The following PPM1G variants were observed in gnomAD, a reference collection of about 807,000 sequenced individuals.
PPM1G encodes protein phosphatase 1G.
PPM1G carries 12 observed loss-of-function variants against 59.4 expected under a neutral mutation model. The observed-to-expected ratio is 0.20, with a 90% confidence interval of 0.13 to 0.33. The LOEUF is 0.33. Among genes scored for constraint, PPM1G ranks in the 10% least tolerant of loss-of-function variants. PPM1G has a pLI of 1.00. For missense variants in PPM1G, 392 were observed against 681.3 expected, an observed-to-expected ratio of 0.58 and a Z score of 4.73; for synonymous variants, 245 against 251.9, an observed-to-expected ratio of 0.97 and a Z score of 0.26.
intron 1 of PPM1G, among the ~76,000 whole-genome samples, chr2:27,401,446 A>T (rs1199266727): frequency 6.6e-6 from 1 of 152,218 alleles, no homozygotes; most frequent in Admixed American, 6.5e-5. Context: ...TGGACGGAAG[A>T]TAGGGAGTGA....
chr2:27,383,409 C>T lies in PPM1G; in HGVS notation c.1158G>A (p.Met386Ile). 6.2e-7 allele frequency: 1 copy of T among 1,614,190 alleles called. No individual in the cohort carries two copies. Among genetic ancestry groups the T allele is most frequent in the Middle Eastern group, 1.6e-4 (1 of 6,062 alleles). The change falls in exon 7 of 10, where the codon ATG becomes ATA. Residue 386 changes from methionine to isoleucine, a missense_variant. Met to Ile is a conservative substitution (Grantham distance 10). Transcript: ENST00000344034. The surrounding 1 kb of genome is among the most constrained non-coding windows in gnomAD (Gnocchi z 5.0). ...RIKNAGGKVT[M>I]DGRVNGGLNL... ...TGAGGCCCCCGTTGACTCGCCCATC[C>T]ATGGTGACCTTGCCACCAGCATTCT...
In PPM1G at chr2:27,393,207, T is replaced by C. The variant is rs1409881218; in HGVS notation, c.121-6049A>G. The C allele has an allele frequency of 9.7e-6, 15 of 1,544,656 alleles. No individual in the cohort carries two copies. In the South Asian group the frequency reaches 1.0e-4, roughly 10 times the overall value. ...CTCATGAGATTGGTGAAGAAAGTAT[T>C]TGGCAAAGTTCTTCAAAGCCACATC... On this transcript the variant is annotated intron_variant, in intron 1 of 9. Coordinates refer to ENST00000344034, the MANE Select transcript of PPM1G (RefSeq NM_177983.3).
intron 1 of PPM1G, among the ~76,000 whole-genome samples, chr2:27,404,803 G>A (rs557738929): frequency 6.6e-6 from 1 of 151,720 alleles, no homozygotes; most frequent in Non-Finnish European, 1.5e-5. Context: ...AATTAGCCGG[G>A]CATGGTGGCA....
At chr2:27,404,029 C>T (rs1265286970) in intron 1 of PPM1G, among the ~76,000 whole-genome samples, 1 of 152,096 alleles carries the variant, frequency 6.6e-6, no homozygotes, top group African/African-American at 2.4e-5. Flanking sequence ...CCATAGCATA[C>T]TTGTGATATT....
intron 1 of PPM1G, among the ~76,000 whole-genome samples, chr2:27,392,286 GT>G (rs70953857): frequency 0.014 from 979 of 70,414 alleles, 4 homozygotes; most frequent in East Asian, 0.02. Flanking sequence ...GGTTTGTTTT[GT>G]TTTTTTTTTT....
At position 27,381,689 on chromosome 2, in the gene PPM1G, A is replaced by T. The variant is rs766752573; in HGVS notation, c.1551T>A (p.Ser517Arg). Reference sequence around the variant, plus strand: ...GCACCTCCTCTAGTTTTCGCTTGCCACTCTCTGGCTGGAGCTCTGCTGTGT... The same window carrying T: ...GCACCTCCTCTAGTTTTCGCTTGCCTCTCTCTGGCTGGAGCTCTGCTGTGT... The part of the protein sequence containing the change: ...PRNTAELQPE[S>R]GKRKLEEVLS... Residue 517 changes from serine to arginine, a missense_variant, in exon 10 of 10, where the codon AGT (serine) becomes AGA (arginine). Physicochemically the swap from Ser to Arg is moderately radical, Grantham distance 110. Transcript: ENST00000344034. The T allele has an allele frequency of 1.2e-6, 2 of 1,613,608 alleles. No individual in the cohort carries two copies. The highest frequency in any genetic ancestry group is 1.1e-5 in the South Asian group (1 of 91,044).
Position 27,382,547 on chromosome 2 carries a change from G to A in PPM1G, c.1260C>T (p.Ala420=). 1 of 1,614,148 alleles carries A rather than the reference G, an allele frequency of 6.2e-7. No individual in the cohort carries two copies. The highest frequency in any genetic ancestry group is 1.1e-5 in the South Asian group (1 of 91,080). Residue 420 remains alanine (A), a synonymous_variant, in exon 8 of 10, where the codon GCC becomes GCT. Transcript: ENST00000344034. The surrounding 1 kb of genome is among the most constrained non-coding windows in gnomAD (Gnocchi z 4.2). ...NLPPEEQMIS[A]LPDIKVLTLT... ...GAGTCAGCACCTTGATGTCAGGAAG[G>A]GCTGAAATCATCTGTTCCTCAGGTG...
chr2:27,392,293 T>G (rs1427007903), intron 1 of PPM1G, among the ~76,000 whole-genome samples: 9 of 92,730 alleles, frequency 9.7e-5, no homozygotes, highest in African/African-American at 1.8e-4. Context: ...TTTGTTTTTT[T>G]TTTTTTTTTT....
In PPM1G at chr2:27,383,984, TCTC is replaced by T; in HGVS notation, c.931_933del (p.Glu311del). 2 of 1,559,126 alleles carry T rather than the reference TCTC, an allele frequency of 1.3e-6. No homozygotes were observed. Among genetic ancestry groups the T allele is most frequent in the South Asian group, 1.2e-5 (1 of 84,862 alleles). ...TTGCCTTCCATCCCTGGCACCATCA[TCTC>T]TTCTTCTTCTTCTTCATCGTCCTCT... is the stretch of plus-strand genomic sequence containing the variant. On this transcript the variant is annotated inframe_deletion, in exon 6 of 10. Transcript: ENST00000344034. The surrounding 1 kb of genome is among the most constrained non-coding windows in gnomAD (Gnocchi z 5.0).
chr2:27,404,321 G>A (rs148593383), intron 1 of PPM1G, among the ~76,000 whole-genome samples: 2 of 151,938 alleles, frequency 1.3e-5, no homozygotes, highest in Non-Finnish European at 2.9e-5. Context: ...GCCGAGGCAG[G>A]TGGATCACAA....
In PPM1G at chr2:27,403,323, GT is replaced by G. The variant is rs1231546300; in HGVS notation, c.120+5979del. Among the ~76,000 whole-genome samples the G allele has an allele frequency of 3.9e-5, 6 of 152,046 alleles. No homozygotes were observed. In the East Asian group the frequency reaches 1.2e-3, roughly 30 times the overall value. ...TAGCTGGGCATGGTGGCGAGTGCCT[GT>G]AATCCCAGCTACTTGGGAGGCTGGG... On this transcript the variant is annotated intron_variant, in intron 1 of 9. Coordinates refer to ENST00000344034, the MANE Select transcript of PPM1G (RefSeq NM_177983.3).
At position 27,409,459 on chromosome 2, in the gene PPM1G, C is replaced by T. The variant is rs952746005; in HGVS notation, c.-37G>A. The T allele has an allele frequency of 1.4e-6, 2 of 1,470,490 alleles. No individual in the cohort carries two copies. The highest frequency in any genetic ancestry group is 5.9e-5 in the East Asian group (2 of 33,792). The allele number at this position is 1,470,490 out of a possible 1,614,324, so 91.1% of individuals were successfully genotyped here. A position where few individuals can be genotyped will look rare whatever the true frequency, so the allele number is the denominator to read the frequency against. On this transcript the variant is annotated 5_prime_UTR_variant, in exon 1 of 10. Transcript: ENST00000344034. ...GCCGGCGGCCTCAGGTGCAGGAAAG[C>T]TGGGCGCGACCCGTGCCGGAGCCGA... is the stretch of plus-strand genomic sequence containing the variant.
At chr2:27,407,685 A>T (rs565731191) in intron 1 of PPM1G, among the ~76,000 whole-genome samples, 1 of 152,324 alleles carries the variant, frequency 6.6e-6, no homozygotes, top group Non-Finnish European at 1.5e-5. Context: ...GTCTTCAACG[A>T]TCTGATCCTA....
Position 27,383,588 on chromosome 2 carries a change from T to C in PPM1G, c.979A>G (p.Ser327Gly). Residue 327 changes from serine (S) to glycine (G), a missense_variant, in exon 7 of 10, where the codon AGT becomes GGT. This residue lies in a region of PPM1G where 53 missense variants were observed against 175.4 expected (regional missense o/e 0.30). Coordinates refer to ENST00000344034, the MANE Select transcript of PPM1G (RefSeq NM_177983.3). The surrounding 1 kb of genome is among the most constrained non-coding windows in gnomAD (Gnocchi z 5.0). ...AGGGCCACCACCGCTGTTGTACCAC[T>C]GTCAGAGCCAGGCTTAAGAGGAAGA... The part of the protein sequence containing the change: ...MEGKEEPGSD[S>G]GTTAVVALIR... The C allele has an allele frequency of 6.2e-7, 1 of 1,613,356 alleles. No individual in the cohort carries two copies.
chr2:27,385,156 C>G lies in PPM1G; in HGVS notation c.410-68G>C. The G allele has an allele frequency of 6.7e-7, 1 of 1,492,010 alleles. No individual in the cohort carries two copies. The highest frequency in any genetic ancestry group is 8.9e-7 in the Non-Finnish European group (1 of 1,124,038). 92.4% of individuals were successfully genotyped at this position (1,492,010 alleles called of 1,614,324 possible). The stretch of plus-strand genomic sequence containing the variant: ...TCATGGGATCCGTCCCTCTCACTAC[C>G]TCAACAGCCCTTGCAGCCTCTAACT... On this transcript the variant is annotated intron_variant, in intron 4 of 9. Coordinates refer to ENST00000344034, the MANE Select transcript of PPM1G (RefSeq NM_177983.3). This position sits in a 1 kb window ranked among gnomAD's most constrained non-coding sequence, Gnocchi z 4.1.
rs767498550 is a variant in PPM1G, at chr2:27,387,197, G to A, written c.121-39C>T. The A allele has an allele frequency of 2.7e-5, 41 of 1,538,580 alleles. No individual in the cohort carries two copies. The Middle Eastern group carries it at 1.0e-3, about 38-fold the overall frequency. ...AGCATAATCGGCATGTCTCAAGGTC[G>A]AAGAATATTCCTCAGGTCATAGGGA... On this transcript the variant is annotated intron_variant, in intron 1 of 9. Coordinates refer to ENST00000344034, the MANE Select transcript of PPM1G (RefSeq NM_177983.3).
At chr2:27,390,802 C>G (rs1007695146) in intron 1 of PPM1G, among the ~76,000 whole-genome samples, 21 of 152,248 alleles carry the variant, frequency 1.4e-4, no homozygotes, top group Admixed American at 9.2e-4. Context: ...AGCTGTTCCT[C>G]TGCCACACAA....
intron 1 of PPM1G, among the ~76,000 whole-genome samples, chr2:27,390,631 CA>C (rs1170272318): frequency 6.6e-6 from 1 of 152,146 alleles, no homozygotes; most frequent in Non-Finnish European, 1.5e-5. Context: ...TTAAACAGTA[CA>C]AACCATGTCA....
chr2:27,409,272 G>A (rs1322989888), intron 1 of PPM1G, 31 bp downstream of exon 1: 1 of 1,545,908 alleles, frequency 6.5e-7, no homozygotes, highest in Non-Finnish European at 8.7e-7. Flanking sequence ...CCGCCCCGCA[G>A]CGGCCAGCCT....
Sources: gnomAD v4.1 joint callset for allele counts (sites outside exome capture counted in the v4.1 genomes callset) on GRCh38, gnomAD v4.1.1 for gene constraint, gnomAD v4.1.1 regional missense constraint, Gnocchi (gnomAD v3.1) non-coding constraint, MANE v1.5 for transcripts, NCBI Gene and HGNC (gene_info 2026-07-23, HGNC 2026-07-21) for gene names.